Variants in HSD17B12 observed in about 807,000 individuals in gnomAD.
HSD17B12 encodes the protein very-long-chain 3-oxoacyl-CoA reductase.
A neutral mutation model predicts 39.3 loss-of-function variants in HSD17B12; 32 were observed. The observed-to-expected ratio is 0.81, with a 90% CI of 0.61 to 1.09. The LOEUF (loss-of-function observed/expected upper bound fraction) is 1.09, where lower values mean the gene tolerates loss of function less well. Ranked by LOEUF, HSD17B12 falls within the 50% of genes least tolerant of loss-of-function variation. The pLI is 0.00. For missense variants in HSD17B12, 342 were observed against 382.9 expected, an observed-to-expected ratio of 0.89 and a Z score of 0.89; for synonymous variants, 150 against 146.7, an observed-to-expected ratio of 1.02 and a Z score of -0.16.
At chr11:43,853,376 G>C (rs936353550) in intron 9 of HSD17B12, 1 of 148,942 alleles carries the variant, frequency 6.7e-6, no homozygotes, top group African/African-American at 2.5e-5. Context: ...CAGAGACATG[G>C]GACCACTCCT....
intron 3 of HSD17B12, among the ~76,000 whole-genome samples, chr11:43,778,492 A>G (rs1427049320): frequency 6.6e-6 from 1 of 151,720 alleles, no homozygotes; most frequent in Non-Finnish European, 1.5e-5. Context: ...TTATGAGGCC[A>G]GCATCATCCT....
At chr11:43,683,569 A>C (rs1167585781) in intron 1 of HSD17B12, among the ~76,000 whole-genome samples, 2 of 152,184 alleles carry the variant, frequency 1.3e-5, no homozygotes, top group Non-Finnish European at 2.9e-5. Context: ...AGCAGAGATG[A>C]CACTTGAATA....
At chr11:43,619,196 A>ATT in the HSD17B12 span, among the ~76,000 whole-genome samples, 5 of 66,304 alleles carry the variant, frequency 7.5e-5, no homozygotes, top group African/African-American at 2.4e-4. Flanking sequence ...ATATATATAT[A>ATT]TGATATATAT....
chr11:43,807,521 G>A (rs1372894421), intron 4 of HSD17B12, among the ~76,000 whole-genome samples: 1 of 152,214 alleles, frequency 6.6e-6, no homozygotes, highest in Non-Finnish European at 1.5e-5. Flanking sequence ...GATCATGAAA[G>A]TCTGAGAAAA....
At position 43,686,940 on chromosome 11, in the gene HSD17B12, G is replaced by A. The variant is rs117023991; in HGVS notation, c.160+5953G>A. On this transcript the variant is annotated intron_variant, in intron 1 of 10. Coordinates refer to ENST00000278353, the MANE Select transcript of HSD17B12 (RefSeq NM_016142.3). Reference sequence around the variant, plus strand: ...ACCATTGCTACTTGCAACTGAGAGTGTTGAGCTTTAAAACTAATTTTTTGT... The same window carrying A: ...ACCATTGCTACTTGCAACTGAGAGTATTGAGCTTTAAAACTAATTTTTTGT... Among the ~76,000 whole-genome samples, 31 of 152,302 alleles carry A rather than the reference G, an allele frequency of 2.0e-4. No individual in the cohort carries two copies. The East Asian group carries it at 5.8e-3, about 28-fold the overall frequency.
the HSD17B12 span, among the ~76,000 whole-genome samples, chr11:43,652,128 AC>A: frequency 4.6e-5 from 7 of 152,122 alleles, no homozygotes; most frequent in African/African-American, 1.7e-4. Context: ...AAAATAAAAA[AC>A]CCAAAGTGGC....
At chr11:43,815,370 G>T in intron 4 of HSD17B12, 67 bp from the exon 5 acceptor site, 1 of 838,116 alleles carries the variant, frequency 1.2e-6, no homozygotes. Context: ...TATCTTTAAT[G>T]TCATTATTTT....
chr11:43,753,158 A>G (rs1208100184), intron 2 of HSD17B12, among the ~76,000 whole-genome samples: 4 of 152,092 alleles, frequency 2.6e-5, no homozygotes, highest in African/African-American at 9.7e-5. Flanking sequence ...AATCTTTTTC[A>G]TTATGTACAA....
chr11:43,703,581 G>A (rs1949987290), intron 1 of HSD17B12, among the ~76,000 whole-genome samples: 1 of 152,116 alleles, frequency 6.6e-6, no homozygotes. Context: ...TTTTATTACA[G>A]CTTCTGTGTC....
the HSD17B12 span, among the ~76,000 whole-genome samples, chr11:43,641,900 A>T: frequency 1.3e-5 from 2 of 151,932 alleles, no homozygotes; most frequent in East Asian, 3.8e-4. Context: ...AAATTAAAAG[A>T]ATAAAACAAG....
chr11:43,666,042 C>G, the HSD17B12 span, among the ~76,000 whole-genome samples: 1 of 152,054 alleles, frequency 6.6e-6, no homozygotes, highest in African/African-American at 2.4e-5. Context: ...ACACCTGGCT[C>G]ACTTTTAAAT....
intron 3 of HSD17B12, among the ~76,000 whole-genome samples, chr11:43,779,023 A>C (rs945776202): frequency 5.9e-5 from 9 of 152,182 alleles, no homozygotes; most frequent in Non-Finnish European, 1.3e-4. Context: ...TTTGATTCAA[A>C]TTTTTTAAAG....
chr11:43,625,530 A>G, the HSD17B12 span, among the ~76,000 whole-genome samples: 605 of 151,582 alleles, frequency 4.0e-3, 3 homozygotes, highest in East Asian at 0.031. Context: ...TGACTAAAAC[A>G]TTTTTAAAGA....
In HSD17B12 at chr11:43,759,957, A is replaced by G. The variant is rs11037603; in HGVS notation, c.283+5836A>G. Among the ~76,000 whole-genome samples, 1,108 of 151,610 alleles carry G rather than the reference A, an allele frequency of 7.3e-3. 9 individuals are homozygous for G. Among genetic ancestry groups the G allele is most frequent in the East Asian group, 0.044 (228 of 5,134 alleles). The stretch of plus-strand genomic sequence containing the variant: ...GTCATTCAGCCTGGAGTTCAATGGC[A>G]CGATCTTGGCTCACTGCAACCTACG... On this transcript the variant is annotated intron_variant, in intron 3 of 10. Transcript: ENST00000278353.
At chr11:43,636,499 A>C in the HSD17B12 span, among the ~76,000 whole-genome samples, 1 of 152,190 alleles carries the variant, frequency 6.6e-6, no homozygotes, top group Admixed American at 6.5e-5. Context: ...ATTTAGGCAT[A>C]TCTCTGGAGT....
At chr11:43,602,756 AGTT>A in the HSD17B12 span, among the ~76,000 whole-genome samples, 1 of 152,020 alleles carries the variant, frequency 6.6e-6, no homozygotes, top group African/African-American at 2.4e-5. Flanking sequence ...GTATCATCTT[AGTT>A]GTTGTAATTG....
At chr11:43,715,815 T>C (rs1279268657) in intron 1 of HSD17B12, among the ~76,000 whole-genome samples, 1 of 152,180 alleles carries the variant, frequency 6.6e-6, no homozygotes, top group Admixed American at 6.5e-5. Context: ...TTTAATTTTG[T>C]TTCATTTTAA....
chr11:43,755,510 A>T (rs1206508161), intron 3 of HSD17B12: 1 of 152,242 alleles, frequency 6.6e-6, no homozygotes, highest in Non-Finnish European at 1.5e-5. Context: ...GTTTAAGTGA[A>T]AATAAAATGA....
rs147203730 is a variant in HSD17B12 at position 43,701,384 on chromosome 11, G to T, written c.160+20397G>T. On this transcript the variant is annotated intron_variant, in intron 1 of 10. Coordinates refer to ENST00000278353, the MANE Select transcript of HSD17B12 (RefSeq NM_016142.3). ...TTTGCTTTAGTTGCCTGTGCTTGTAGGGTATTGCTCAAGAACTTTTTGCCC... is the reference window on the plus strand; with the variant it reads ...TTTGCTTTAGTTGCCTGTGCTTGTATGGTATTGCTCAAGAACTTTTTGCCC... 7.3e-3 allele frequency among the ~76,000 whole-genome samples: 1,110 copies of T among 152,244 alleles called. 8 individuals are homozygous for T. Among genetic ancestry groups the T allele is most frequent in the Non-Finnish European group, 9.3e-3 (635 of 67,994 alleles).
Sources: gnomAD v4.1 joint callset for allele counts (sites outside exome capture counted in the v4.1 genomes callset) on GRCh38, gnomAD v4.1.1 for gene constraint, MANE v1.5 for transcripts, NCBI Gene and HGNC (gene_info 2026-07-23, HGNC 2026-07-21) for gene names.